Variants in PNKP observed in about 807,000 individuals in gnomAD.
The protein encoded by PNKP is polynucleotide kinase 3'-phosphatase, also known as bifunctional polynucleotide phosphatase/kinase.
In PNKP, 82 loss-of-function variants were observed where a neutral mutation model predicts 66.2. That is an observed-to-expected ratio of 1.24 (90% CI 1.04 to 1.49). PNKP has a LOEUF of 1.49. PNKP is among the 40% of genes most tolerant of loss of function. PNKP has a pLI of 0.00. For synonymous variants in PNKP, 412 were observed against 298.9 expected, an observed-to-expected ratio of 1.38 and a Z score of -3.90; for missense variants, 907 against 706.8, an observed-to-expected ratio of 1.28 and a Z score of -3.21.
chr19:49,866,991 T>C, intron 2 of PNKP, 63 bp downstream of exon 2: 1 of 1,521,642 alleles, frequency 6.6e-7, no homozygotes, highest in Non-Finnish European at 9.1e-7. Flanking sequence ...CAGCCAAGCG[T>C]CCCTCTGGAT....
At position 49,866,287 on chromosome 19, in the gene PNKP, A is replaced by G; in HGVS notation, c.198+112T>C. The G allele has an allele frequency of 4.8e-6, 5 of 1,036,388 alleles. No individual in the cohort carries two copies. The East Asian group carries it at 1.2e-4, about 25-fold the overall frequency. The allele number at this position is 1,036,388 out of a possible 1,614,324, so 64.2% of individuals were successfully genotyped here. A position where few individuals can be genotyped will look rare whatever the true frequency, so the allele number is the denominator to read the frequency against. On this transcript the variant is annotated intron_variant, in intron 3 of 16. Coordinates refer to ENST00000322344, the MANE Select transcript of PNKP (RefSeq NM_007254.4). ...AGTGCTGGGATTACAGGCTTGAGCC[A>G]CCACGCCCGGCCCCAATCAGATTTT...
intron 3 of PNKP, 186 bp from the exon 4 acceptor site, chr19:49,865,612 T>C: frequency 1.9e-6 from 1 of 513,328 alleles, no homozygotes; most frequent in South Asian, 2.3e-5. Flanking sequence ...TTTTTTTTTT[T>C]TTTTTTTTTT....
In PNKP at chr19:49,861,670, C is replaced by T. The variant is rs372459137; in HGVS notation, c.1324G>A (p.Gly442Ser). The stretch of plus-strand genomic sequence containing the variant: ...AAGAGGAAGCAGCGGCAGGGGACGC[C>T]CGCGGCTCGGGCACACTGGACGTAC... ...ARYVQCARAAGVPCRCFLFTA... is the reference protein window; with the variant it reads ...ARYVQCARAASVPCRCFLFTA... Residue 442 changes from glycine (G) to serine (S), a missense_variant, in exon 15 of 17, where the codon GGC (glycine) becomes AGC (serine). By Grantham distance (56) the Gly-to-Ser change is moderately conservative. Transcript: ENST00000322344. 6.8e-5 allele frequency: 106 copies of T among 1,548,218 alleles called. 1 individual carries two copies. The highest frequency in any genetic ancestry group is 9.0e-5 in the Non-Finnish European group (103 of 1,146,400).
chr19:49,861,682 C>G lies in PNKP; in HGVS notation c.1312G>C (p.Ala438Pro). The G allele has an allele frequency of 6.5e-7, 1 of 1,547,088 alleles. No individual in the cohort carries two copies. The highest frequency in any genetic ancestry group is 8.7e-7 in the Non-Finnish European group (1 of 1,146,228). ...CGGCAGGGGACGCCCGCGGCTCGGGCACACTGGACGTACCTGTGGGGGAAG... is the reference window on the plus strand; with the variant it reads ...CGGCAGGGGACGCCCGCGGCTCGGGGACACTGGACGTACCTGTGGGGGAAG... Reference protein sequence around the residue: ...AASRARYVQCARAAGVPCRCF... With the variant: ...AASRARYVQCPRAAGVPCRCF... Residue 438 changes from alanine (A) to proline (P), a missense_variant, in exon 15 of 17, where the codon GCC becomes CCC. Physicochemically the swap from Ala to Pro is conservative, Grantham distance 27. Transcript: ENST00000322344.
chr19:49,862,797 G>A (rs1292480744), intron 8 of PNKP, 59 bp from the exon 9 acceptor site: 2 of 1,579,784 alleles, frequency 1.3e-6, no homozygotes, highest in East Asian at 2.2e-5. Flanking sequence ...AGCGGTAGCG[G>A]GTCCCTGGGG....
At position 49,862,293 on chromosome 19, in the gene PNKP, G is replaced by T. The variant is rs746041621; in HGVS notation, c.1030-12C>A. On this transcript the variant is annotated splice_polypyrimidine_tract_variant and intron_variant, in intron 11 of 16. Coordinates refer to ENST00000322344, the MANE Select transcript of PNKP (RefSeq NM_007254.4). ...CGGGAGACAGTCCTCTGCGAGGGGC[G>T]GGGGACACGCGTGAGATGCCGTCCC... 1 of 1,570,666 alleles carries T rather than the reference G, an allele frequency of 6.4e-7. No individual in the cohort carries two copies. The highest frequency in any genetic ancestry group is 8.6e-7 in the Non-Finnish European group (1 of 1,157,164).
rs3739205 is a variant in PNKP at position 49,861,890 on chromosome 19, AC to A, written c.1189-10del. The stretch of plus-strand genomic sequence containing the variant: ...CAGGAGCCTAGCGTGTCCTGGGGAC[AC>A]GAGAGGTCACAAACAGATCGGCAGA... On this transcript the variant is annotated splice_polypyrimidine_tract_variant and intron_variant, in intron 13 of 16. Coordinates refer to ENST00000322344, the MANE Select transcript of PNKP (RefSeq NM_007254.4). 4.6e-3 allele frequency: 7,362 copies of A among 1,585,660 alleles called. 268 individuals carry two copies. In the African/African-American group the frequency reaches 0.084, roughly 18 times the overall value.
At position 49,861,766 on chromosome 19, in the gene PNKP, C is replaced by T. The variant is rs578207030; in HGVS notation, c.1298+6G>A. The T allele has an allele frequency of 4.0e-5, 63 of 1,565,992 alleles. No homozygotes were observed. In the Admixed American group the frequency reaches 6.2e-4, roughly 15 times the overall value. On this transcript the variant is annotated splice_donor_region_variant and intron_variant, in intron 14 of 16. Coordinates refer to ENST00000322344, the MANE Select transcript of PNKP (RefSeq NM_007254.4). ...CAGGCCACCTACGGCCCCGCGGTCA[C>T]GCTACCTGGCGCGGCTCGCGGCGTC...
Position 49,861,205 on chromosome 19 carries a change from C to A in PNKP, c.*43G>T. ...CTTCCAGCAAAATGCCGGCCAAGCT[C>A]AAGGAGAAACAGCGTTTATTGTGGA... On this transcript the variant is annotated 3_prime_UTR_variant, in exon 17 of 17. Transcript: ENST00000322344. 2 of 1,382,382 alleles carry A rather than the reference C, an allele frequency of 1.4e-6. No individual in the cohort carries two copies. Among genetic ancestry groups the A allele is most frequent in the Non-Finnish European group, 2.1e-6 (2 of 970,016 alleles). 85.6% of individuals were successfully genotyped at this position (1,382,382 alleles called of 1,614,324 possible).
chr19:49,862,180 C>CTT lies in PNKP; in HGVS notation c.1126+3_1126+4dup, dbSNP rs750550558. On this transcript the variant is annotated splice_donor_region_variant and intron_variant, in intron 12 of 16. Coordinates refer to ENST00000322344, the MANE Select transcript of PNKP (RefSeq NM_007254.4). ...AGGGCACGCGCACAGGAACAGGACA[C>CTT]TTACCCCCAGGGAATCCCACTGCGA... 2.5e-6 allele frequency: 4 copies of CTT among 1,613,780 alleles called. No individual in the cohort carries two copies. In the East Asian group the frequency reaches 8.9e-5, roughly 36 times the overall value.
At chr19:49,866,079 C>T in intron 3 of PNKP, 1 of 424,272 alleles carries the variant, frequency 2.4e-6, no homozygotes, top group Non-Finnish European at 4.4e-6. Context: ...GTGTGGTGAT[C>T]ACTGCTCACT....
Position 49,861,817 on chromosome 19 carries a change from C to G in PNKP, c.1253G>C (p.Arg418Pro), listed in dbSNP as rs1275782816. 2 of 1,586,856 alleles carry G rather than the reference C, an allele frequency of 1.3e-6. No individual in the cohort carries two copies. The highest frequency in any genetic ancestry group is 1.7e-6 in the Non-Finnish European group (2 of 1,169,764). ...TGGGTTTGTGTTGTCGATGGCGACC[C>G]GTTTCCCTTGCTTCAGGGCTGTCTC... ...TCETALKQGK[R>P]VAIDNTNPDA... The change falls in exon 14 of 17, where the codon CGG becomes CCG. Residue 418 changes from arginine (R) to proline (P), a missense_variant. By Grantham distance (103) the Arg-to-Pro change is moderately radical. Transcript: ENST00000322344.
At chr19:49,865,523 C>T in intron 3 of PNKP, 97 bp from the exon 4 acceptor site, 1 of 801,518 alleles carries the variant, frequency 1.2e-6, no homozygotes, top group East Asian at 2.7e-5. Flanking sequence ...TTCTCCACCA[C>T]TATCAGACCC....
In PNKP at chr19:49,862,684, C is replaced by A; in HGVS notation, c.865+6G>T. The A allele has an allele frequency of 6.2e-7, 1 of 1,614,100 alleles. No homozygotes were observed. Among genetic ancestry groups the A allele is most frequent in the South Asian group, 1.1e-5 (1 of 91,086 alleles). On this transcript the variant is annotated splice_donor_region_variant and intron_variant, in intron 9 of 16. Coordinates refer to ENST00000322344, the MANE Select transcript of PNKP (RefSeq NM_007254.4). ...AGCCCACCCTCAGCAGCCTCCAGGC[C>A]CTTACCTCCCACAAAGATGCTGTCC...
At position 49,861,846 on chromosome 19, in the gene PNKP, C is replaced by G. The variant is rs770849181; in HGVS notation, c.1224G>C (p.Thr408=). ...TLGSWQRCVT[T]CETALKQGKR... The stretch of plus-strand genomic sequence containing the variant: ...TCCCTTGCTTCAGGGCTGTCTCACA[C>G]GTGGTCACACAGCGCTGCCAGGAGC... Residue 408 remains threonine, a synonymous_variant, in exon 14 of 17, where the codon ACG becomes ACC. Coordinates refer to ENST00000322344, the MANE Select transcript of PNKP (RefSeq NM_007254.4). 2 of 1,593,978 alleles carry G rather than the reference C, an allele frequency of 1.3e-6. No individual in the cohort carries two copies. Among genetic ancestry groups the G allele is most frequent in the Non-Finnish European group, 8.5e-7 (1 of 1,172,912 alleles).
chr19:49,863,247 G>A (rs1420833421), intron 8 of PNKP, among the ~76,000 whole-genome samples: 3 of 152,084 alleles, frequency 2.0e-5, no homozygotes, highest in African/African-American at 7.2e-5. Flanking sequence ...CCTGCCTTAG[G>A]CCTTTTCCTC....
At position 49,862,255 on chromosome 19, in the gene PNKP, G is replaced by A. The variant is rs767011520; in HGVS notation, c.1056C>T (p.Leu352=). The A allele has an allele frequency of 6.2e-7, 1 of 1,606,588 alleles. No individual in the cohort carries two copies. The highest frequency in any genetic ancestry group is 8.5e-7 in the Non-Finnish European group (1 of 1,176,658). The part of the protein sequence containing the change: ...DPRTVSRSGP[L]CLPESRALLS... ...GGAGGGCCCTGGACTCGGGGAGGCA[G>A]AGAGGCCCTGAGCGGGAGACAGTCC... The change falls in exon 12 of 17, where the codon CTC becomes CTT. Residue 352 remains leucine, a synonymous_variant. Coordinates refer to ENST00000322344, the MANE Select transcript of PNKP (RefSeq NM_007254.4).
chr19:49,863,748 T>A lies in PNKP; in HGVS notation c.757A>T (p.Thr253Ser). ...LGVPFQVLVA[T>S]HAGLYRKPVT... The stretch of plus-strand genomic sequence containing the variant: ...GGCTTCCGGTACAAGCCTGCGTGCG[T>A]GGCCACCAGCACCTGTGGATGGGAG... The change falls in exon 8 of 17, where the codon ACG (threonine) becomes TCG (serine). Residue 253 changes from threonine to serine, a missense_variant. Physicochemically the swap from Thr to Ser is moderately conservative, Grantham distance 58. Coordinates refer to ENST00000322344, the MANE Select transcript of PNKP (RefSeq NM_007254.4). 1 of 1,559,782 alleles carries A rather than the reference T, an allele frequency of 6.4e-7. No individual in the cohort carries two copies. Among genetic ancestry groups the A allele is most frequent in the East Asian group, 2.4e-5 (1 of 42,058 alleles).
intron 8 of PNKP, 32 bp from the exon 9 acceptor site, chr19:49,862,770 C>T (rs753582170): frequency 3.1e-6 from 5 of 1,612,836 alleles, no homozygotes; most frequent in Admixed American, 1.7e-5. Context: ...AGGCCCTTCC[C>T]ACAAATGTCC....
Sources: gnomAD v4.1 joint callset for allele counts (sites outside exome capture counted in the v4.1 genomes callset) on GRCh38, gnomAD v4.1.1 for gene constraint, MANE v1.5 for transcripts, NCBI Gene and HGNC (gene_info 2026-07-23, HGNC 2026-07-21) for gene names.